LHFPL3: variants seen among roughly 807,000 people sequenced by gnomAD.
LHFPL3 encodes LHFPL tetraspan subfamily member 3 protein.
A neutral mutation model predicts 19.3 loss-of-function variants in LHFPL3; 5 were observed. That is an observed-to-expected ratio of 0.26 (90% confidence interval 0.14 to 0.54). The LOEUF is 0.54. Among genes scored for constraint, LHFPL3 ranks in the 20% least tolerant of loss-of-function variants. LHFPL3 has a pLI of 0.94. For synonymous variants in LHFPL3, 133 were observed against 126.2 expected, an observed-to-expected ratio of 1.05 and a Z score of -0.36; for missense variants, 249 against 307.4, an observed-to-expected ratio of 0.81 and a Z score of 1.42.
At chr7:104,465,332 G>C (rs1792757084) in intron 1 of LHFPL3, among the ~76,000 whole-genome samples, 1 of 152,130 alleles carries the variant, frequency 6.6e-6, no homozygotes, top group South Asian at 2.1e-4. Context: ...GTCTTCTTCT[G>C]AGTCCTCCAA....
chr7:104,513,735 A>C (rs1178719138), intron 1 of LHFPL3, among the ~76,000 whole-genome samples: 1 of 152,202 alleles, frequency 6.6e-6, no homozygotes. Context: ...GAGCTTTAAA[A>C]AAATACCAAT....
intron 1 of LHFPL3, among the ~76,000 whole-genome samples, chr7:104,672,574 G>A (rs1301407929): frequency 1.3e-5 from 2 of 152,204 alleles, no homozygotes; most frequent in African/African-American, 2.4e-5. Context: ...TTATACAGTC[G>A]ATGAGGGAAT....
At chr7:104,830,768 A>G (rs1013235087) in intron 2 of LHFPL3, among the ~76,000 whole-genome samples, 1 of 151,870 alleles carries the variant, frequency 6.6e-6, no homozygotes, top group Non-Finnish European at 1.5e-5. Context: ...AGGCAGCGTG[A>G]TGCCTCCAGC....
chr7:104,659,372 C>G (rs1302182812), intron 1 of LHFPL3, among the ~76,000 whole-genome samples: 1 of 152,208 alleles, frequency 6.6e-6, no homozygotes, highest in Non-Finnish European at 1.5e-5. Context: ...GTATGGCACC[C>G]AGGTTGCAGA....
At chr7:104,499,299 T>C (rs1345731573) in intron 1 of LHFPL3, among the ~76,000 whole-genome samples, 1 of 152,248 alleles carries the variant, frequency 6.6e-6, no homozygotes, top group Non-Finnish European at 1.5e-5. Flanking sequence ...TGAATAGCAC[T>C]TTCCCTTTTC....
intron 1 of LHFPL3, among the ~76,000 whole-genome samples, chr7:104,455,461 C>G (rs1792521235): frequency 1.3e-5 from 2 of 152,176 alleles, no homozygotes; most frequent in African/African-American, 4.8e-5. Context: ...CAGCTCACAC[C>G]TGTAATCCCA....
chr7:104,415,032 A>G, intron 1 of LHFPL3, among the ~76,000 whole-genome samples: 1 of 152,196 alleles, frequency 6.6e-6, no homozygotes, highest in South Asian at 2.1e-4. Flanking sequence ...TATAATTGAG[A>G]TCATGCTGAA....
intron 1 of LHFPL3, among the ~76,000 whole-genome samples, chr7:104,638,662 C>A (rs1243579696): frequency 4.6e-5 from 7 of 151,782 alleles, no homozygotes; most frequent in Non-Finnish European, 1.0e-4. Flanking sequence ...TGATTTTTGT[C>A]TTTAGTTTGG....
chr7:104,516,295 C>T (rs1291652102), intron 1 of LHFPL3, among the ~76,000 whole-genome samples: 1 of 152,026 alleles, frequency 6.6e-6, no homozygotes, highest in Non-Finnish European at 1.5e-5. Context: ...ATGGAGGAAA[C>T]CACCCTTATG....
chr7:104,541,366 G>A (rs950620819), intron 1 of LHFPL3, among the ~76,000 whole-genome samples: 15 of 152,114 alleles, frequency 9.9e-5, no homozygotes, highest in African/African-American at 2.7e-4. Context: ...CATCCTCAGC[G>A]CTAGGCACAG....
At chr7:104,738,157 C>G (rs544824494) in intron 2 of LHFPL3, among the ~76,000 whole-genome samples, 37 of 152,070 alleles carry the variant, frequency 2.4e-4, no homozygotes, top group Non-Finnish European at 4.0e-4. Context: ...CAAAAATAAC[C>G]CTTACACAGG....
At chr7:104,606,459 G>A (rs182317320) in intron 1 of LHFPL3, among the ~76,000 whole-genome samples, 185 of 152,304 alleles carry the variant, frequency 1.2e-3, no homozygotes, top group Middle Eastern at 3.4e-3. Context: ...TCTGTCTTTT[G>A]TGAGGTTGGC....
intron 1 of LHFPL3, among the ~76,000 whole-genome samples, chr7:104,656,632 A>G (rs1356466817): frequency 6.6e-6 from 1 of 152,218 alleles, no homozygotes; most frequent in African/African-American, 2.4e-5. Flanking sequence ...CAACCTGAGG[A>G]GAGCTTGCCC....
chr7:104,430,427 T>TGTATATATATATAC (rs1791963212), intron 1 of LHFPL3, among the ~76,000 whole-genome samples: 4 of 12,020 alleles, frequency 3.3e-4, no homozygotes, highest in Non-Finnish European at 7.5e-4. Flanking sequence ...TACATATATA[T>TGTATATATATATAC]ATATATATAT....
chr7:104,409,612 C>G (rs1449724515), intron 1 of LHFPL3, among the ~76,000 whole-genome samples: 1 of 150,262 alleles, frequency 6.7e-6, no homozygotes, highest in African/African-American at 2.5e-5. Flanking sequence ...ACAGGCCCTG[C>G]CAAAAAAGAA....
chr7:104,728,886 A>G (rs1793637887), intron 1 of LHFPL3, among the ~76,000 whole-genome samples: 2 of 152,222 alleles, frequency 1.3e-5, no homozygotes, highest in Admixed American at 6.6e-5. Context: ...TGTTGAATGA[A>G]TTAGTGAATG....
In LHFPL3 at chr7:104,603,928, C is replaced by T. The variant is rs75998345; in HGVS notation, c.446-132747C>T. ...TGAGTTTACTCTACCCAGTAGCTCTCATAGGTTGGAGTTTCATGCCTGCAG... is the reference window on the plus strand; with the variant it reads ...TGAGTTTACTCTACCCAGTAGCTCTTATAGGTTGGAGTTTCATGCCTGCAG... On this transcript the variant is annotated intron_variant, in intron 1 of 2. Coordinates refer to ENST00000424859, the MANE Select transcript of LHFPL3 (RefSeq NM_199000.3). 4.1e-3 allele frequency among the ~76,000 whole-genome samples: 625 copies of T among 152,350 alleles called. 35 individuals are homozygous for T. In the East Asian group the frequency reaches 0.1, roughly 24 times the overall value.
At chr7:104,516,462 T>C (rs1793923764) in intron 1 of LHFPL3, among the ~76,000 whole-genome samples, 1 of 152,142 alleles carries the variant, frequency 6.6e-6, no homozygotes, top group Admixed American at 6.6e-5. Context: ...TAAAATTAAT[T>C]TTAATAATTA....
At chr7:104,520,128 C>G (rs952225812) in intron 1 of LHFPL3, among the ~76,000 whole-genome samples, 1 of 151,910 alleles carries the variant, frequency 6.6e-6, no homozygotes, top group Non-Finnish European at 1.5e-5. Flanking sequence ...CCCATCAATA[C>G]CTAATTTATT....
Sources: gnomAD v4.1 joint callset for allele counts (sites outside exome capture counted in the v4.1 genomes callset) on GRCh38, gnomAD v4.1.1 for gene constraint, MANE v1.5 for transcripts, NCBI Gene and HGNC (gene_info 2026-07-23, HGNC 2026-07-21) for gene names.